The following NPLOC4 variants were observed in gnomAD, a reference collection of about 807,000 sequenced individuals.
NPLOC4 encodes the protein NPL4 homolog, ubiquitin recognition factor, also known as nuclear protein localization protein 4 homolog.
NPLOC4 carries 18 observed loss-of-function variants against 80.6 expected under a neutral mutation model. The observed-to-expected ratio is 0.22, with a 90% CI of 0.15 to 0.33. NPLOC4 has a LOEUF of 0.33. Ranked by LOEUF, NPLOC4 falls within the 10% of genes least tolerant of loss-of-function variation. NPLOC4 has a pLI of 1.00. For missense variants in NPLOC4, 540 were observed against 786.1 expected (o/e 0.69, Z 3.74); for synonymous variants, 313 against 301.5 (o/e 1.04, Z -0.39).
chr17:81,621,206 T>C (rs1462994827), intron 3 of NPLOC4, among the ~76,000 whole-genome samples: 1 of 151,958 alleles, frequency 6.6e-6, no homozygotes, highest in East Asian at 1.9e-4. Context: ...AGTGTCACTC[T>C]GGAAATGAAC....
At chr17:81,607,974 T>C (rs1033530900) in intron 6 of NPLOC4, among the ~76,000 whole-genome samples, 22 of 152,222 alleles carry the variant, frequency 1.4e-4, no homozygotes, top group African/African-American at 5.3e-4. Context: ...CCTGCTACTT[T>C]CTGGTAGGGT....
rs777277805 is a variant in NPLOC4 at position 81,606,825 on chromosome 17, G to A, written c.531-11C>T. The A allele has an allele frequency of 1.6e-5, 25 of 1,575,906 alleles. No homozygotes were observed. The Admixed American group carries it at 2.1e-4, about 13-fold the overall frequency. Reference sequence around the variant, plus strand: ...GCAACAAACTTCCCCCTACATAGAAGAGAAGCAACTTAAACATCACATTGG... The same window carrying A: ...GCAACAAACTTCCCCCTACATAGAAAAGAAGCAACTTAAACATCACATTGG... On this transcript the variant is annotated splice_polypyrimidine_tract_variant and intron_variant, in intron 6 of 16. Coordinates refer to ENST00000331134, the MANE Select transcript of NPLOC4 (RefSeq NM_017921.4).
At chr17:81,607,386 T>C (rs1355294268) in intron 6 of NPLOC4, among the ~76,000 whole-genome samples, 1 of 132,576 alleles carries the variant, frequency 7.5e-6, no homozygotes, top group Non-Finnish European at 1.6e-5. Context: ...TATTGAAATA[T>C]AACTGACAAA....
intron 12 of NPLOC4, chr17:81,573,598 C>T (rs2034216766): frequency 6.6e-6 from 1 of 152,186 alleles, no homozygotes; most frequent in South Asian, 2.1e-4. Flanking sequence ...CTTGACTAGT[C>T]TTAAAAAATA....
At position 81,572,572 on chromosome 17, in the gene NPLOC4, A is replaced by G. The variant is rs2034190474; in HGVS notation, c.1282-484T>C. On this transcript the variant is annotated intron_variant, in intron 12 of 16. Coordinates refer to ENST00000331134, the MANE Select transcript of NPLOC4 (RefSeq NM_017921.4). The surrounding 1 kb of genome is among the most constrained non-coding windows in gnomAD (Gnocchi z 4.5). ...ACGTGCATATTTTTGCAGTAAAACCACCTTCCACCATTTCTTGGAGCTCAT... is the reference window on the plus strand; with the variant it reads ...ACGTGCATATTTTTGCAGTAAAACCGCCTTCCACCATTTCTTGGAGCTCAT... Among the ~76,000 whole-genome samples the G allele has an allele frequency of 6.6e-6, 1 of 152,208 alleles. No individual in the cohort carries two copies. Among genetic ancestry groups the G allele is most frequent in the African/African-American group, 2.4e-5 (1 of 41,448 alleles).
Position 81,558,412 on chromosome 17 carries a change from A to C in NPLOC4, c.*847T>G, listed in dbSNP as rs1823071821. 6.6e-6 allele frequency: 1 copy of C among 152,206 alleles called. No homozygotes were observed. Among genetic ancestry groups the C allele is most frequent in the South Asian group, 2.1e-4 (1 of 4,828 alleles). The allele number at this position is 152,206 out of a possible 1,614,324, so 9.4% of individuals were successfully genotyped here. On this transcript the variant is annotated 3_prime_UTR_variant, in exon 17 of 17. Coordinates refer to ENST00000331134, the MANE Select transcript of NPLOC4 (RefSeq NM_017921.4). ...AGCCCGCAGTATCTGCAGTTGCTGC[A>C]GCTGTGTGGCTTGGTAGAAAAGTCT...
chr17:81,633,140 A>AAG (rs1555690125), intron 1 of NPLOC4, among the ~76,000 whole-genome samples: 12 of 151,108 alleles, frequency 7.9e-5, no homozygotes, highest in Admixed American at 2.0e-4. Context: ...AAAAAAAAAA[A>AAG]AAAAGAAAAG....
chr17:81,563,751 C>G (rs1016995473), intron 16 of NPLOC4: 20 of 350,590 alleles, frequency 5.7e-5, no homozygotes, highest in Non-Finnish European at 1.7e-5. Context: ...CTCATTGATA[C>G]AAAAATATTA....
In NPLOC4 at chr17:81,572,006, G is replaced by C; in HGVS notation, c.1353+11C>G. ...GTCCACCTGCCCAAGCTGTGCATGG[G>C]GGGCACTTACGTCTATGATGAGATA... On this transcript the variant is annotated intron_variant, in intron 13 of 16. Coordinates refer to ENST00000331134, the MANE Select transcript of NPLOC4 (RefSeq NM_017921.4). This position sits in a 1 kb window ranked among gnomAD's most constrained non-coding sequence, Gnocchi z 4.5. 6.3e-7 allele frequency: 1 copy of C among 1,594,542 alleles called. No individual in the cohort carries two copies. The highest frequency in any genetic ancestry group is 8.6e-7 in the Non-Finnish European group (1 of 1,168,560).
rs550156332 is a variant in NPLOC4 at position 81,575,392 on chromosome 17, C to T, written c.1282-3304G>A. Among the ~76,000 whole-genome samples the T allele has an allele frequency of 6.6e-5, 10 of 152,350 alleles. No homozygotes were observed. In the South Asian group the frequency reaches 1.4e-3, roughly 22 times the overall value. On this transcript the variant is annotated intron_variant, in intron 12 of 16. Transcript: ENST00000331134. ...CTGGGACTACAGGCGTGAGCCACAG[C>T]GCCCAGCTGACACTTGGTTTCTTAA...
In NPLOC4 at chr17:81,613,288, T is replaced by C. The variant is rs775815949; in HGVS notation, c.386+30A>G. Reference sequence around the variant, plus strand: ...ATTCACCCATTAAGATCACCACAAGTAGGACCCTGGAATCTCATGGATCAC... The same window carrying C: ...ATTCACCCATTAAGATCACCACAAGCAGGACCCTGGAATCTCATGGATCAC... On this transcript the variant is annotated intron_variant, in intron 4 of 16. Transcript: ENST00000331134. 8 of 1,596,180 alleles carry C rather than the reference T, an allele frequency of 5.0e-6. 1 individual carries two copies. The highest frequency in any genetic ancestry group is 4.3e-6 in the Non-Finnish European group (5 of 1,171,184).
At chr17:81,578,812 G>A (rs2034366248) in intron 12 of NPLOC4, among the ~76,000 whole-genome samples, 1 of 152,192 alleles carries the variant, frequency 6.6e-6, no homozygotes, top group Admixed American at 6.5e-5. Flanking sequence ...TGGACACAAA[G>A]CCTATCCATA....
Position 81,572,004 on chromosome 17 carries a change from G to A in NPLOC4, c.1353+13C>T, listed in dbSNP as rs776402120. 3.8e-6 allele frequency: 6 copies of A among 1,592,806 alleles called. No individual in the cohort carries two copies. The East Asian group carries it at 1.3e-4, about 36-fold the overall frequency. The stretch of plus-strand genomic sequence containing the variant: ...GGGTCCACCTGCCCAAGCTGTGCAT[G>A]GGGGGCACTTACGTCTATGATGAGA... On this transcript the variant is annotated intron_variant, in intron 13 of 16. Coordinates refer to ENST00000331134, the MANE Select transcript of NPLOC4 (RefSeq NM_017921.4). This position sits in a 1 kb window ranked among gnomAD's most constrained non-coding sequence, Gnocchi z 4.5.
At position 81,580,225 on chromosome 17, in the gene NPLOC4, C is replaced by T. The variant is rs2034403193; in HGVS notation, c.1282-8137G>A. Among the ~76,000 whole-genome samples the T allele has an allele frequency of 6.6e-6, 1 of 152,226 alleles. No individual in the cohort carries two copies. The highest frequency in any genetic ancestry group is 6.5e-5 in the Admixed American group (1 of 15,288). ...ATGTGCCTCTCCCAAGCAATGCGCT[C>T]ACCCCGGGTGGTGCCTCTGCACTAG... On this transcript the variant is annotated intron_variant, in intron 12 of 16. Coordinates refer to ENST00000331134, the MANE Select transcript of NPLOC4 (RefSeq NM_017921.4). The surrounding 1 kb of genome is among the most constrained non-coding windows in gnomAD (Gnocchi z 4.4).
Position 81,559,115 on chromosome 17 carries a change from G to T in NPLOC4, c.*144C>A. On this transcript the variant is annotated 3_prime_UTR_variant, in exon 17 of 17. Transcript: ENST00000331134. ...GAGGAACGTGCTGAGAAGCTTCAGT[G>T]GGTCAGGGAGCCCAGGACAGCCAGC... The T allele has an allele frequency of 1.1e-6, 1 of 898,742 alleles. No homozygotes were observed. Among genetic ancestry groups the T allele is most frequent in the Non-Finnish European group, 1.6e-6 (1 of 612,234 alleles). 55.7% of individuals were successfully genotyped at this position (898,742 alleles called of 1,614,324 possible).
chr17:81,561,107 G>A (rs1461179157), intron 16 of NPLOC4, among the ~76,000 whole-genome samples: 2 of 152,060 alleles, frequency 1.3e-5, no homozygotes, highest in Non-Finnish European at 2.9e-5. Context: ...ACAGGCACGT[G>A]CCACCACACC....
chr17:81,600,125 T>C (rs1217301196), intron 9 of NPLOC4, among the ~76,000 whole-genome samples: 1 of 151,440 alleles, frequency 6.6e-6, no homozygotes, highest in Admixed American at 6.6e-5. Context: ...CTCAAGAAAA[T>C]GTTCTCATTT....
intron 1 of NPLOC4, among the ~76,000 whole-genome samples, chr17:81,631,432 ATATATTTTTTTTTTTTTTTTTT>A (rs2035923897): frequency 2.1e-5 from 1 of 46,590 alleles, no homozygotes; most frequent in African/African-American, 1.4e-4. Context: ...ATATATATAT[ATATATTTTTTTTTTTTTTTTTT>A]TTTTTTTTCC....
intron 3 of NPLOC4, among the ~76,000 whole-genome samples, chr17:81,620,482 C>T (rs1445217413): frequency 2.0e-5 from 3 of 151,448 alleles, no homozygotes; most frequent in Admixed American, 1.3e-4. Flanking sequence ...GGCGACAGAG[C>T]GAGACTCCGT....
Sources: allele counts gnomAD v4.1 joint callset (sites outside exome capture counted in the v4.1 genomes callset), GRCh38; gene constraint gnomAD v4.1.1; non-coding constraint Gnocchi (gnomAD v3.1); transcripts MANE v1.5; gene names NCBI Gene and HGNC (gene_info 2026-07-23, HGNC 2026-07-21).